Variants in UEVLD observed in about 807,000 individuals in gnomAD.
UEVLD encodes UEV and lactate/malate dehyrogenase domains.
Under a neutral mutation model 58.6 loss-of-function variants are expected in UEVLD, and 47 were observed. The observed-to-expected ratio is 0.80, with a 90% confidence interval of 0.63 to 1.02. The LOEUF (loss-of-function observed/expected upper bound fraction) is 1.02. UEVLD is among the 50% of genes least tolerant of loss of function. UEVLD has a pLI of 0.00. For synonymous variants in UEVLD, 197 were observed against 195.3 expected (o/e 1.01, Z -0.07); for missense variants, 510 against 550.6 (o/e 0.93, Z 0.74).
At position 18,545,074 on chromosome 11, in the gene UEVLD, A is replaced by ATATATATT. The variant is rs1345787784; in HGVS notation, c.887-279_887-278insAATATATA. Among the ~76,000 whole-genome samples the ATATATATT allele has an allele frequency of 7.1e-5, 6 of 84,548 alleles. No homozygotes were observed. The South Asian group carries it at 9.8e-4, about 14-fold the overall frequency. 55.5% of individuals were successfully genotyped at this position (84,548 alleles called of 152,430 possible). A position where few individuals can be genotyped will look rare whatever the true frequency, so the allele number is the denominator to read the frequency against. The stretch of plus-strand genomic sequence containing the variant: ...TATCTATATCTATATCTATATCTAT[A>ATATATATT]TTTTTTTTTTTTTTTTGAGATGGAG... On this transcript the variant is annotated intron_variant, in intron 8 of 11. Transcript: ENST00000396197.
At chr11:18,579,243 T>C (rs1853106829) in intron 1 of UEVLD, among the ~76,000 whole-genome samples, 1 of 152,150 alleles carries the variant, frequency 6.6e-6, no homozygotes, top group Non-Finnish European at 1.5e-5. Flanking sequence ...TTTGATTTAA[T>C]CTTTTTAACA....
At chr11:18,551,852 A>G (rs777944079) in intron 7 of UEVLD, among the ~76,000 whole-genome samples, 5 of 152,228 alleles carry the variant, frequency 3.3e-5, no homozygotes, top group Non-Finnish European at 7.3e-5. Flanking sequence ...AAGTATGTCA[A>G]AAGACCCAGT....
At chr11:18,552,117 C>T (rs1445522164) in intron 7 of UEVLD, among the ~76,000 whole-genome samples, 3 of 152,086 alleles carry the variant, frequency 2.0e-5, no homozygotes, top group Non-Finnish European at 4.4e-5. Context: ...GCCATTCTTA[C>T]GGTACTAAAA....
chr11:18,588,588 A>G, intron 1 of UEVLD, 25 bp downstream of exon 1: 1 of 1,608,800 alleles, frequency 6.2e-7, no homozygotes, highest in Non-Finnish European at 8.5e-7. Context: ...TGAGGACCCA[A>G]ACTGGCCCAG....
At chr11:18,562,221 G>A (rs969304613) in intron 6 of UEVLD, among the ~76,000 whole-genome samples, 4 of 152,046 alleles carry the variant, frequency 2.6e-5, no homozygotes, top group Non-Finnish European at 5.9e-5. Context: ...GGGACTACCA[G>A]TGTGCACCAC....
chr11:18,542,862 C>T (rs986283707), intron 9 of UEVLD, among the ~76,000 whole-genome samples: 10 of 149,746 alleles, frequency 6.7e-5, no homozygotes, highest in African/African-American at 1.2e-4. Context: ...ACCTCCTCAC[C>T]GGCAGAGGAG....
At chr11:18,548,974 GATAT>G (rs1305731133) in intron 7 of UEVLD, among the ~76,000 whole-genome samples, 5 of 152,276 alleles carry the variant, frequency 3.3e-5, no homozygotes, top group Admixed American at 6.5e-5. Flanking sequence ...AACTGGAAGG[GATAT>G]ACTTAACAAT....
chr11:18,578,098 T>C (rs969071307), intron 2 of UEVLD, among the ~76,000 whole-genome samples: 2 of 152,170 alleles, frequency 1.3e-5, no homozygotes, highest in Non-Finnish European at 2.9e-5. Flanking sequence ...TAGATGTGAT[T>C]AGTGACTCTG....
chr11:18,577,607 C>T (rs1244744669), intron 2 of UEVLD, among the ~76,000 whole-genome samples: 3 of 152,250 alleles, frequency 2.0e-5, no homozygotes, highest in South Asian at 4.2e-4. Context: ...CAGTGGCTTA[C>T]GCCTGTAATC....
rs902639584 is a variant in UEVLD at position 18,584,297 on chromosome 11, C to A, written c.42+4316G>T. 3.3e-5 allele frequency among the ~76,000 whole-genome samples: 5 copies of A among 152,218 alleles called. No homozygotes were observed. In the East Asian group the frequency reaches 9.7e-4, roughly 29 times the overall value. On this transcript the variant is annotated intron_variant, in intron 1 of 11. Transcript: ENST00000396197. ...CCTCCAGAGGCTGAGGCAGGAGGATCACTTGAGCCCAAGAGTTTGAGGCTG... is the reference window on the plus strand; with the variant it reads ...CCTCCAGAGGCTGAGGCAGGAGGATAACTTGAGCCCAAGAGTTTGAGGCTG...
intron 4 of UEVLD, 73 bp from the exon 5 acceptor site, chr11:18,566,555 A>G: frequency 6.6e-7 from 1 of 1,518,358 alleles, no homozygotes; most frequent in South Asian, 1.2e-5. Context: ...TTGAGGCAGG[A>G]GTATTACTTG....
At chr11:18,575,671 C>A (rs1041262045) in intron 2 of UEVLD, among the ~76,000 whole-genome samples, 9 of 152,152 alleles carry the variant, frequency 5.9e-5, no homozygotes, top group Non-Finnish European at 1.5e-5. Flanking sequence ...GCCACCTTCC[C>A]CACTTAGAGG....
chr11:18,544,908 G>A, intron 8 of UEVLD, 112 bp from the exon 9 acceptor site: 3 of 611,356 alleles, frequency 4.9e-6, no homozygotes, highest in Admixed American at 4.1e-5. Flanking sequence ...AATGCACTGA[G>A]GCATTATATG....
At chr11:18,585,687 G>C (rs1196575884) in intron 1 of UEVLD, among the ~76,000 whole-genome samples, 1 of 151,584 alleles carries the variant, frequency 6.6e-6, no homozygotes, top group Non-Finnish European at 1.5e-5. Context: ...GCTCAGGCTG[G>C]GGTGCAGTGG....
At chr11:18,563,529 T>C (rs950850022) in intron 6 of UEVLD, 2 of 327,936 alleles carry the variant, frequency 6.1e-6, no homozygotes, top group African/African-American at 4.5e-5. Flanking sequence ...AGGTGGAGGG[T>C]GCAGTAAGCT....
At chr11:18,537,162 G>A (rs148239563) in intron 9 of UEVLD, among the ~76,000 whole-genome samples, 2,678 of 151,494 alleles carry the variant, frequency 0.018, 84 homozygotes, top group African/African-American at 0.061. Flanking sequence ...GCCTCCCAAA[G>A]TGCTAGGATT....
Position 18,570,319 on chromosome 11 carries a change from G to C in UEVLD, c.252C>G (p.Pro84=). The C allele has an allele frequency of 6.3e-7, 1 of 1,583,766 alleles. No homozygotes were observed. Among genetic ancestry groups the C allele is most frequent in the Non-Finnish European group, 8.5e-7 (1 of 1,171,664 alleles). ...CAGTTGGCTTCAAGAAGCAAATAGG[G>C]GGAGCGAAAGGGTGAGAATCCAAAA... ...FWILDSHPFA[P]PICFLKPTAN... The change falls in exon 4 of 12, where the codon CCC becomes CCG. Residue 84 remains proline, a synonymous_variant. Transcript: ENST00000396197.
intron 10 of UEVLD, 41 bp downstream of exon 10, chr11:18,536,365 G>T (rs373508786): frequency 1.8e-5 from 29 of 1,579,690 alleles, no homozygotes; most frequent in Non-Finnish European, 2.4e-5. Context: ...TGAAGTAAAT[G>T]ATTTTTCGTT....
intron 11 of UEVLD, among the ~76,000 whole-genome samples, chr11:18,534,009 C>G (rs1363662152): frequency 6.6e-6 from 1 of 152,204 alleles, no homozygotes; most frequent in African/African-American, 2.4e-5. Flanking sequence ...AGTCCAGTGA[C>G]ATGATCATGG....
Sources: gnomAD v4.1 joint callset for allele counts (sites outside exome capture counted in the v4.1 genomes callset) on GRCh38, gnomAD v4.1.1 for gene constraint, MANE v1.5 for transcripts, NCBI Gene and HGNC (gene_info 2026-07-23, HGNC 2026-07-21) for gene names.